SLC8A1: variants seen among roughly 807,000 people sequenced by gnomAD.
The protein encoded by SLC8A1 is solute carrier family 8 member A1.
A neutral mutation model predicts 68.3 loss-of-function variants in SLC8A1; 18 were observed. That is an observed-to-expected ratio of 0.26 (90% confidence interval 0.18 to 0.39). The LOEUF is 0.39. SLC8A1 is among the 10% of genes least tolerant of loss of function. The pLI is 1.00. For missense variants in SLC8A1, 985 were observed against 1,156.7 expected, an observed-to-expected ratio of 0.85 and a Z score of 2.15; for synonymous variants, 475 against 415.5, an observed-to-expected ratio of 1.14 and a Z score of -1.74.
At chr2:40,143,343 G>A (rs6746919) in intron 6 of SLC8A1, among the ~76,000 whole-genome samples, 49,114 of 151,950 alleles carry the variant, frequency 0.32, 8,371 homozygotes, top group African/African-American at 0.43. Flanking sequence ...TTATGTGACA[G>A]CAAAAATGAT....
chr2:40,107,060 A>C (rs2034240620), exon 8 of SLC8A1: 1 of 152,158 alleles, frequency 6.6e-6, no homozygotes, highest in South Asian at 2.1e-4. Flanking sequence ...AGTTCAGTTA[A>C]GAACATCTAA....
At chr2:40,172,752 C>A (rs1167502706) in intron 4 of SLC8A1, among the ~76,000 whole-genome samples, 1 of 152,006 alleles carries the variant, frequency 6.6e-6, no homozygotes, top group Non-Finnish European at 1.5e-5. Flanking sequence ...ACTCTCCTGG[C>A]CAACATGGTG....
intron 2 of SLC8A1, among the ~76,000 whole-genome samples, chr2:40,334,296 G>A (rs1665234549): frequency 6.6e-6 from 1 of 152,098 alleles, no homozygotes; most frequent in African/African-American, 2.4e-5. Context: ...ACTGAATATT[G>A]TATTAGGCTT....
upstream of SLC8A1, among the ~76,000 whole-genome samples, chr2:40,452,337 C>A (rs1432710620): frequency 6.6e-6 from 1 of 152,006 alleles, no homozygotes; most frequent in Admixed American, 6.5e-5. Flanking sequence ...TCTGGAGCAC[C>A]GAGCGGGTGG....
chr2:40,308,547 G>A (rs560935232), intron 2 of SLC8A1, among the ~76,000 whole-genome samples: 3 of 152,216 alleles, frequency 2.0e-5, no homozygotes, highest in Non-Finnish European at 4.4e-5. Context: ...TTTCTCTTAA[G>A]TGATGTTTAA....
intron 2 of SLC8A1, among the ~76,000 whole-genome samples, chr2:40,307,154 CACACACACACACACACAAACACAT>C (rs1468854814): frequency 2.6e-5 from 4 of 151,142 alleles, no homozygotes; most frequent in Non-Finnish European, 5.9e-5. Context: ...TATACACACA[CACACACACACACACACAAACACAT>C]ACACACACAC....
At chr2:40,386,202 G>A (rs4588235) in intron 2 of SLC8A1, among the ~76,000 whole-genome samples, 110,056 of 150,698 alleles carry the variant, frequency 0.73, 41,672 homozygotes, top group African/African-American at 0.93. Context: ...TAGGAAATAC[G>A]TGGAAATCTT....
At chr2:40,110,896 TC>T (rs1276179181) in exon 8 of SLC8A1, 1 of 152,164 alleles carries the variant, frequency 6.6e-6, no homozygotes, top group Non-Finnish European at 1.5e-5. Context: ...TCTAATTGCT[TC>T]CACAAAGTTA....
intron 2 of SLC8A1, among the ~76,000 whole-genome samples, chr2:40,257,571 G>C (rs1311947538): frequency 6.6e-6 from 1 of 152,094 alleles, no homozygotes; most frequent in Non-Finnish European, 1.5e-5. Context: ...GAGCGTATCA[G>C]ATCACTCAAA....
intron 2 of SLC8A1, among the ~76,000 whole-genome samples, chr2:40,296,279 T>C (rs113518455): frequency 3.9e-5 from 6 of 152,262 alleles, no homozygotes; most frequent in African/African-American, 9.6e-5. Context: ...AAGAGGGAAA[T>C]GACTAGGTCT....
chr2:40,285,266 A>G (rs1392654118), intron 2 of SLC8A1, among the ~76,000 whole-genome samples: 1 of 152,146 alleles, frequency 6.6e-6, no homozygotes, highest in Non-Finnish European at 1.5e-5. Flanking sequence ...GATCACTACA[A>G]TATACATCTG....
At chr2:40,314,997 G>A (rs1031699067) in intron 2 of SLC8A1, among the ~76,000 whole-genome samples, 3 of 151,496 alleles carry the variant, frequency 2.0e-5, no homozygotes, top group Non-Finnish European at 2.9e-5. Flanking sequence ...TTGCTTTATT[G>A]CACTGGCTAG....
intron 2 of SLC8A1, among the ~76,000 whole-genome samples, chr2:40,238,330 G>A (rs533784063): frequency 6.6e-6 from 1 of 152,206 alleles, no homozygotes; most frequent in Non-Finnish European, 1.5e-5. Flanking sequence ...TAAGCCCGTT[G>A]GAAAAGCGCA....
intron 2 of SLC8A1, among the ~76,000 whole-genome samples, chr2:40,347,786 A>G (rs943615425): frequency 3.3e-5 from 5 of 152,228 alleles, no homozygotes; most frequent in African/African-American, 1.2e-4. Flanking sequence ...AGAGATCTTT[A>G]GTGATTAATC....
At chr2:40,436,428 G>A (rs1247866835) in intron 1 of SLC8A1, among the ~76,000 whole-genome samples, 1 of 152,088 alleles carries the variant, frequency 6.6e-6, no homozygotes, top group South Asian at 2.1e-4. Flanking sequence ...TCAGTGTTAG[G>A]AAGAGAGGAA....
intron 2 of SLC8A1, among the ~76,000 whole-genome samples, chr2:40,407,908 C>A (rs1690884345): frequency 6.6e-6 from 1 of 152,176 alleles, no homozygotes; most frequent in Non-Finnish European, 1.5e-5. Context: ...ACTTTTCTAT[C>A]CTGTGGATCT....
chr2:40,429,253 T>C, exon 2 of SLC8A1: 1 of 1,613,944 alleles, frequency 6.2e-7, no homozygotes, highest in South Asian at 1.1e-5. Flanking sequence ...TATTAATTGC[T>C]CTATTTCTTT....
chr2:40,133,254 A>G (rs143721650), intron 7 of SLC8A1, among the ~76,000 whole-genome samples: 5 of 152,340 alleles, frequency 3.3e-5, no homozygotes, highest in African/African-American at 1.2e-4. Context: ...AACATGGTGA[A>G]CAACCAGGGT....
At chr2:40,250,677 CTT>C (rs575638720) in intron 2 of SLC8A1, among the ~76,000 whole-genome samples, 25 of 152,260 alleles carry the variant, frequency 1.6e-4, no homozygotes, top group African/African-American at 5.8e-4. Context: ...TTTCGCCTAA[CTT>C]TCTCCTAGCC....
Sources: allele counts gnomAD v4.1 joint callset (sites outside exome capture counted in the v4.1 genomes callset), GRCh38; gene constraint gnomAD v4.1.1; transcripts MANE v1.5; gene names NCBI Gene and HGNC (gene_info 2026-07-23, HGNC 2026-07-21).